Variants in MAPK14 observed in about 807,000 individuals in gnomAD.
The protein encoded by MAPK14 is mitogen-activated protein kinase 14, also known as CSAID-binding protein.
In MAPK14, 16 loss-of-function variants were observed where a neutral mutation model predicts 49.6. The observed-to-expected ratio is 0.32, with a 90% CI of 0.22 to 0.49. The LOEUF (loss-of-function observed/expected upper bound fraction) is 0.49, where lower values mean the gene tolerates loss of function less well. MAPK14 is among the 20% of genes least tolerant of loss of function. The pLI, the probability that MAPK14 is intolerant of heterozygous loss-of-function variation, is 0.99. For synonymous variants in MAPK14, 142 were observed against 158.0 expected (o/e 0.90, Z 0.76); for missense variants, 200 against 441.2 (o/e 0.45, Z 4.90).
chr6:36,100,098 G>C, intron 9 of MAPK14: 2 of 862,340 alleles, frequency 2.3e-6, no homozygotes, highest in South Asian at 1.3e-5. Context: ...TTGTCTGTTT[G>C]GGGGTGGCTT....
chr6:36,031,908 T>C (rs2127390754), intron 1 of MAPK14, among the ~76,000 whole-genome samples: 1 of 152,316 alleles, frequency 6.6e-6, no homozygotes, highest in East Asian at 1.9e-4. Flanking sequence ...GAACTGGACC[T>C]GAAGTCTACT....
At chr6:36,050,419 T>G (rs1220165944) in intron 1 of MAPK14, among the ~76,000 whole-genome samples, 3 of 152,168 alleles carry the variant, frequency 2.0e-5, no homozygotes, top group African/African-American at 7.2e-5. Context: ...ATTCAAAATT[T>G]TGTAGGTGGG....
At chr6:36,118,259 T>C in the MAPK14 span, among the ~76,000 whole-genome samples, 1 of 152,246 alleles carries the variant, frequency 6.6e-6, no homozygotes, top group Non-Finnish European at 1.5e-5. Context: ...GAAGGCATTA[T>C]GGTGTCTTGC....
At chr6:36,119,056 A>G in the MAPK14 span, among the ~76,000 whole-genome samples, 70 of 152,370 alleles carry the variant, frequency 4.6e-4, no homozygotes, top group African/African-American at 1.5e-3. Flanking sequence ...GGTAACATCT[A>G]TTATCCCACT....
the MAPK14 span, among the ~76,000 whole-genome samples, chr6:36,124,058 G>A: frequency 6.6e-6 from 1 of 151,674 alleles, no homozygotes; most frequent in Non-Finnish European, 1.5e-5. Flanking sequence ...AGGTGGAGGA[G>A]GTGCAGGGGA....
intron 1 of MAPK14, among the ~76,000 whole-genome samples, chr6:36,034,901 T>C (rs922377538): frequency 2.6e-4 from 38 of 145,064 alleles, no homozygotes; most frequent in South Asian, 8.7e-4. Flanking sequence ...TTCTTTCTTT[T>C]TTTTTTTTTT....
In MAPK14 at chr6:36,070,176, C is replaced by T. The variant is rs532810801; in HGVS notation, c.306-2697C>T. 5.9e-5 allele frequency among the ~76,000 whole-genome samples: 9 copies of T among 152,240 alleles called. No individual in the cohort carries two copies. In the South Asian group the frequency reaches 1.9e-3, roughly 32 times the overall value. ...ATTGAGAATTACTAAGGAAATTATT[C>T]AGACATATTGCTTCCCTAGTTATTG... On this transcript the variant is annotated intron_variant, in intron 3 of 11. Transcript: ENST00000229794.
chr6:36,120,018 G>A, the MAPK14 span, among the ~76,000 whole-genome samples: 1 of 152,198 alleles, frequency 6.6e-6, no homozygotes, highest in Non-Finnish European at 1.5e-5. Flanking sequence ...TCAGAGAGGG[G>A]CATGAAAGGG....
At chr6:36,115,417 A>G (rs1766044035), downstream of MAPK14, among the ~76,000 whole-genome samples, 1 of 152,248 alleles carries the variant, frequency 6.6e-6, no homozygotes, top group African/African-American at 2.4e-5. Flanking sequence ...AAATTCATAG[A>G]TAATTCACAC....
intron 8 of MAPK14, among the ~76,000 whole-genome samples, chr6:36,084,842 C>A (rs1764914476): frequency 1.3e-5 from 2 of 152,080 alleles, no homozygotes; most frequent in Non-Finnish European, 2.9e-5. Flanking sequence ...GTAAGCTACC[C>A]CATGAGAAGA....
chr6:36,118,292 A>G, the MAPK14 span, among the ~76,000 whole-genome samples: 3 of 152,366 alleles, frequency 2.0e-5, no homozygotes, highest in South Asian at 6.2e-4. Context: ...CCATTCTACA[A>G]ATATCTATTA....
intron 3 of MAPK14, among the ~76,000 whole-genome samples, chr6:36,070,637 G>A (rs1198635547): frequency 2.0e-5 from 3 of 152,106 alleles, no homozygotes; most frequent in African/African-American, 7.2e-5. Flanking sequence ...GTATAAACAT[G>A]CAAGTTTTAA....
intron 1 of MAPK14, among the ~76,000 whole-genome samples, chr6:36,035,993 G>A (rs560381851): frequency 7.9e-5 from 12 of 152,320 alleles, no homozygotes; most frequent in Admixed American, 2.0e-4. Flanking sequence ...GGAGGCTGAG[G>A]CAGGCAGATC....
At chr6:36,075,141 G>C (rs890590539) in intron 6 of MAPK14, among the ~76,000 whole-genome samples, 1 of 150,374 alleles carries the variant, frequency 6.7e-6, no homozygotes, top group Non-Finnish European at 1.5e-5. Context: ...CAGGAGAATG[G>C]CGTGAACCTG....
chr6:36,080,359 A>ACTC (rs1436173911), intron 8 of MAPK14, among the ~76,000 whole-genome samples: 15 of 152,176 alleles, frequency 9.9e-5, no homozygotes, highest in Non-Finnish European at 2.1e-4. Flanking sequence ...CAGCCCGTGA[A>ACTC]ACAGTAACTT....
intron 6 of MAPK14, among the ~76,000 whole-genome samples, chr6:36,075,594 G>A (rs995907302): frequency 6.6e-6 from 1 of 152,170 alleles, no homozygotes; most frequent in Non-Finnish European, 1.5e-5. Context: ...TTGTATGGAC[G>A]TAAGTTCTCA....
intron 3 of MAPK14, among the ~76,000 whole-genome samples, chr6:36,064,322 T>C (rs1315838265): frequency 7.3e-6 from 1 of 137,152 alleles, no homozygotes; most frequent in East Asian, 2.4e-4. Flanking sequence ...GCAAGCATAG[T>C]AGACAAGAAT....
intron 9 of MAPK14, among the ~76,000 whole-genome samples, chr6:36,101,174 G>A (rs752323915): frequency 3.3e-5 from 5 of 152,100 alleles, no homozygotes; most frequent in East Asian, 1.9e-4. Flanking sequence ...GTGTGGTGGC[G>A]TGCACCTGCA....
intron 8 of MAPK14, among the ~76,000 whole-genome samples, chr6:36,082,531 C>G (rs961492233): frequency 6.6e-6 from 1 of 152,186 alleles, no homozygotes; most frequent in Non-Finnish European, 1.5e-5. Flanking sequence ...TGTTTCTGGT[C>G]AGGACCTCAG....
Sources: gnomAD v4.1 joint callset for allele counts (sites outside exome capture counted in the v4.1 genomes callset) on GRCh38, gnomAD v4.1.1 for gene constraint, MANE v1.5 for transcripts, NCBI Gene and HGNC (gene_info 2026-07-23, HGNC 2026-07-21) for gene names.